The following GRIA4 variants were observed in gnomAD, a reference collection of about 807,000 sequenced individuals.
GRIA4 encodes the protein glutamate ionotropic receptor AMPA type subunit 4, also known as glutamate receptor 4.
A neutral mutation model predicts 104.0 loss-of-function variants in GRIA4; 34 were observed. The observed-to-expected ratio is 0.33, with a 90% CI of 0.25 to 0.44. The LOEUF (loss-of-function observed/expected upper bound fraction) is 0.44. Among genes scored for constraint, GRIA4 ranks in the 20% least tolerant of loss-of-function variants. GRIA4 has a pLI of 1.00. For missense variants in GRIA4, 750 were observed against 1,096.5 expected (o/e 0.68, Z 4.46); for synonymous variants, 386 against 381.9 (o/e 1.01, Z -0.13).
intron 14 of GRIA4, among the ~76,000 whole-genome samples, chr11:105,961,565 T>C (rs1005168353): frequency 5.3e-5 from 8 of 152,202 alleles, no homozygotes; most frequent in African/African-American, 7.2e-5. Context: ...GGACCAGAAG[T>C]GTTTTGGATT....
chr11:105,872,447 AC>A (rs2136053084), intron 5 of GRIA4, among the ~76,000 whole-genome samples: 1 of 152,228 alleles, frequency 6.6e-6, no homozygotes, highest in Non-Finnish European at 1.5e-5. Flanking sequence ...TCTCAGGTTG[AC>A]TGGTTCTTAG....
chr11:105,947,308 T>C (rs1948340027), intron 14 of GRIA4, among the ~76,000 whole-genome samples: 1 of 152,188 alleles, frequency 6.6e-6, no homozygotes, highest in South Asian at 2.1e-4. Context: ...TTATTCTTAA[T>C]TTATTTATCC....
intron 3 of GRIA4, among the ~76,000 whole-genome samples, chr11:105,626,833 G>T (rs1017030314): frequency 6.6e-6 from 1 of 152,064 alleles, no homozygotes; most frequent in Non-Finnish European, 1.5e-5. Context: ...ATGGTAGAAG[G>T]ATGTTCTAGT....
intron 3 of GRIA4, among the ~76,000 whole-genome samples, chr11:105,729,740 A>G (rs941042122): frequency 6.6e-6 from 1 of 152,220 alleles, no homozygotes; most frequent in African/African-American, 2.4e-5. Context: ...TCACATAAAC[A>G]GAACCAATAT....
chr11:105,641,094 T>C (rs1951346272), intron 3 of GRIA4, among the ~76,000 whole-genome samples: 1 of 152,136 alleles, frequency 6.6e-6, no homozygotes, highest in South Asian at 2.1e-4. Context: ...GTTTATCCAA[T>C]ATTTGTCATA....
chr11:105,832,900 C>T (rs544268240), intron 4 of GRIA4, among the ~76,000 whole-genome samples: 2 of 152,064 alleles, frequency 1.3e-5, no homozygotes, highest in Admixed American at 6.6e-5. Context: ...TGATCTCTGC[C>T]TTGAGTAATG....
At chr11:105,905,436 T>G in intron 9 of GRIA4, 135 bp downstream of exon 9, 1 of 589,876 alleles carries the variant, frequency 1.7e-6, no homozygotes. Context: ...AGTACTTTCT[T>G]TATAATCAAT....
At position 105,846,720 on chromosome 11, in the gene GRIA4, C is replaced by T. The variant is rs76689647; in HGVS notation, c.488-15304C>T. Among the ~76,000 whole-genome samples, 576 of 152,010 alleles carry T rather than the reference C, an allele frequency of 3.8e-3. 6 individuals carry two copies. The highest frequency in any genetic ancestry group is 0.013 in the African/African-American group (536 of 41,478). ...TTACCACAAAAAATATTTAGTATACCAACTCTCCAAGAAGGATCATCCTAA... is the reference window on the plus strand; with the variant it reads ...TTACCACAAAAAATATTTAGTATACTAACTCTCCAAGAAGGATCATCCTAA... On this transcript the variant is annotated intron_variant, in intron 4 of 16. Coordinates refer to ENST00000282499, the MANE Select transcript of GRIA4 (RefSeq NM_000829.4).
At chr11:105,748,802 G>T (rs1384112365) in intron 3 of GRIA4, among the ~76,000 whole-genome samples, 1 of 152,156 alleles carries the variant, frequency 6.6e-6, no homozygotes, top group Non-Finnish European at 1.5e-5. Context: ...AGAAGATAAT[G>T]TGAAAAAGGA....
rs567975229 is a variant in GRIA4, at chr11:105,755,086, A to T, written c.487+1866A>T. 4.6e-5 allele frequency among the ~76,000 whole-genome samples: 7 copies of T among 152,322 alleles called. No homozygotes were observed. The East Asian group carries it at 1.2e-3, about 25-fold the overall frequency. ...CAATGTTCTGGGTGGTATAATATGC[A>T]TATCCTGCTATTGCATGCTAATGCC... On this transcript the variant is annotated intron_variant, in intron 4 of 16. Coordinates refer to ENST00000282499, the MANE Select transcript of GRIA4 (RefSeq NM_000829.4).
At chr11:105,958,094 A>G (rs1382301515) in intron 14 of GRIA4, among the ~76,000 whole-genome samples, 1 of 152,054 alleles carries the variant, frequency 6.6e-6, no homozygotes, top group Non-Finnish European at 1.5e-5. Flanking sequence ...TTAATTGAAT[A>G]CCCTTTATTT....
chr11:105,856,214 C>T (rs1414261951), intron 4 of GRIA4, among the ~76,000 whole-genome samples: 1 of 152,082 alleles, frequency 6.6e-6, no homozygotes, highest in Non-Finnish European at 1.5e-5. Flanking sequence ...ATTGTATTTT[C>T]CACACTTCAG....
At chr11:105,775,873 T>C (rs965672729) in intron 4 of GRIA4, among the ~76,000 whole-genome samples, 1 of 152,020 alleles carries the variant, frequency 6.6e-6, no homozygotes, top group South Asian at 2.1e-4. Flanking sequence ...TCAATCTTTT[T>C]TGAGAAAATT....
intron 9 of GRIA4, among the ~76,000 whole-genome samples, chr11:105,908,597 G>T (rs1365380724): frequency 2.1e-5 from 3 of 141,188 alleles, no homozygotes; most frequent in African/African-American, 2.6e-5. Flanking sequence ...AACCAGAATT[G>T]CATATAGGTA....
chr11:105,677,010 A>G (rs1245606179), intron 3 of GRIA4, among the ~76,000 whole-genome samples: 2 of 151,876 alleles, frequency 1.3e-5, no homozygotes, highest in African/African-American at 2.4e-5. Flanking sequence ...TTCCATTTGC[A>G]TAATTCAATT....
chr11:105,937,046 T>G (rs589104), intron 14 of GRIA4, among the ~76,000 whole-genome samples: 82,448 of 151,898 alleles, frequency 0.54, 22,421 homozygotes, highest in South Asian at 0.62. Context: ...TTTTTTCACA[T>G]GCACAGTACA....
intron 2 of GRIA4, among the ~76,000 whole-genome samples, chr11:105,611,963 G>A (rs561389840): frequency 6.6e-6 from 1 of 152,272 alleles, no homozygotes; most frequent in South Asian, 2.1e-4. Context: ...CTTAGAGAGA[G>A]CTGCCCTGAG....
At chr11:105,804,376 A>ACG (rs2135848241) in intron 4 of GRIA4, among the ~76,000 whole-genome samples, 1 of 151,608 alleles carries the variant, frequency 6.6e-6, no homozygotes, top group South Asian at 2.1e-4. Context: ...ACACACACAC[A>ACG]CGCACTAGAC....
rs11226852 is a variant in GRIA4 at position 105,792,290 on chromosome 11, A to C, written c.487+39070A>C. Among the ~76,000 whole-genome samples the C allele has an allele frequency of 6.3e-3, 961 of 152,298 alleles. 12 individuals carry two copies. Among genetic ancestry groups the C allele is most frequent in the African/African-American group, 0.022 (912 of 41,580 alleles). On this transcript the variant is annotated intron_variant, in intron 4 of 16. Coordinates refer to ENST00000282499, the MANE Select transcript of GRIA4 (RefSeq NM_000829.4). ...TAAATTATGTTAAAATAGTTTAAGAATATTCAGATATAAAAAGTCATTTGC... is the reference window on the plus strand; with the variant it reads ...TAAATTATGTTAAAATAGTTTAAGACTATTCAGATATAAAAAGTCATTTGC...
Sources: gnomAD v4.1 joint callset for allele counts (sites outside exome capture counted in the v4.1 genomes callset) on GRCh38, gnomAD v4.1.1 for gene constraint, MANE v1.5 for transcripts, NCBI Gene and HGNC (gene_info 2026-07-23, HGNC 2026-07-21) for gene names.